Variants in PDE4B observed in about 807,000 individuals in gnomAD.
The protein encoded by PDE4B is phosphodiesterase 4B.
Under a neutral mutation model 82.2 loss-of-function variants are expected in PDE4B, and 20 were observed. That is an observed-to-expected ratio of 0.24 (90% CI 0.17 to 0.35). The LOEUF is 0.35. PDE4B is among the 10% of genes least tolerant of loss of function. PDE4B has a pLI of 1.00. For synonymous variants in PDE4B, 320 were observed against 318.9 expected (o/e 1.00, Z -0.04); for missense variants, 655 against 907.2 (o/e 0.72, Z 3.57).
At chr1:66,249,799 A>T (rs1479963222) in intron 4 of PDE4B, among the ~76,000 whole-genome samples, 2 of 152,208 alleles carry the variant, frequency 1.3e-5, no homozygotes, top group African/African-American at 4.8e-5. Context: ...TTAGATAAAA[A>T]GTAGTATGGG....
chr1:66,285,208 A>G (rs1656585623), intron 7 of PDE4B, among the ~76,000 whole-genome samples: 1 of 152,192 alleles, frequency 6.6e-6, no homozygotes, highest in Non-Finnish European at 1.5e-5. Context: ...AGGTAAACGT[A>G]AATTTACCCA....
intron 3 of PDE4B, among the ~76,000 whole-genome samples, chr1:66,099,105 G>T (rs1645170834): frequency 6.6e-6 from 1 of 152,108 alleles, no homozygotes; most frequent in Admixed American, 6.6e-5. Context: ...ATGGTGGTTT[G>T]CTGCACCTAT....
chr1:66,090,621 A>ATATATATATATATATGTGTGTGTGTGTG, intron 3 of PDE4B, among the ~76,000 whole-genome samples: 2 of 122,728 alleles, frequency 1.6e-5, no homozygotes, highest in African/African-American at 8.2e-5. Flanking sequence ...TATATAATAT[A>ATATATATATATATATGTGTGTGTGTGTG]TGTGTGTGTG....
chr1:65,922,990 A>C (rs145070779), intron 3 of PDE4B, among the ~76,000 whole-genome samples: 134 of 152,194 alleles, frequency 8.8e-4, no homozygotes, highest in Non-Finnish European at 1.7e-3. Flanking sequence ...TGCCCTTTTG[A>C]GTATTCCCCC....
intron 7 of PDE4B, among the ~76,000 whole-genome samples, chr1:66,302,144 GA>G (rs1657939061): frequency 6.6e-6 from 1 of 152,188 alleles, no homozygotes; most frequent in Non-Finnish European, 1.5e-5. Flanking sequence ...GAATCAAGAA[GA>G]GCCTGAAGCA....
intron 1 of PDE4B, among the ~76,000 whole-genome samples, chr1:65,810,237 A>G (rs1645803901): frequency 6.6e-6 from 1 of 152,170 alleles, no homozygotes; most frequent in Non-Finnish European, 1.5e-5. Context: ...TTTGCTATTT[A>G]TTTTGACCTA....
At chr1:65,995,108 T>C (rs1384452587) in intron 3 of PDE4B, among the ~76,000 whole-genome samples, 1 of 152,164 alleles carries the variant, frequency 6.6e-6, no homozygotes, top group Non-Finnish European at 1.5e-5. Flanking sequence ...TGCTCTATAA[T>C]ATAGATTAAA....
intron 3 of PDE4B, among the ~76,000 whole-genome samples, chr1:66,082,556 C>A (rs1034186734): frequency 2.0e-5 from 3 of 151,658 alleles, no homozygotes; most frequent in African/African-American, 7.3e-5. Context: ...GGTAAATTGG[C>A]TCAATGTGTT....
chr1:66,225,152 A>G (rs1006807996), intron 3 of PDE4B, among the ~76,000 whole-genome samples: 1 of 152,152 alleles, frequency 6.6e-6, no homozygotes, highest in Non-Finnish European at 1.5e-5. Context: ...ACATGACATT[A>G]AAGAAGCCTA....
chr1:66,118,431 T>TAA (rs957630629), intron 3 of PDE4B, among the ~76,000 whole-genome samples: 1 of 152,172 alleles, frequency 6.6e-6, no homozygotes, highest in African/African-American at 2.4e-5. Context: ...GGGACATGGA[T>TAA]AAAGCTGGAA....
chr1:66,320,037 A>G (rs774485601), intron 7 of PDE4B, among the ~76,000 whole-genome samples: 8 of 152,154 alleles, frequency 5.3e-5, no homozygotes, highest in Non-Finnish European at 1.0e-4. Context: ...TATTTGTCCT[A>G]CCCAAACAAC....
At chr1:66,221,015 A>G (rs1315963810) in intron 3 of PDE4B, among the ~76,000 whole-genome samples, 1 of 152,190 alleles carries the variant, frequency 6.6e-6, no homozygotes, top group Admixed American at 6.6e-5. Flanking sequence ...TTTATTTCAT[A>G]CCACATAAAT....
At chr1:66,236,870 G>A (rs548364896) in intron 3 of PDE4B, among the ~76,000 whole-genome samples, 28 of 152,150 alleles carry the variant, frequency 1.8e-4, no homozygotes, top group Non-Finnish European at 3.7e-4. Flanking sequence ...TTAAATCCAC[G>A]ATGTACCATT....
At chr1:66,167,477 C>T (rs1327538637) in intron 3 of PDE4B, among the ~76,000 whole-genome samples, 1 of 152,156 alleles carries the variant, frequency 6.6e-6, no homozygotes, top group Non-Finnish European at 1.5e-5. Context: ...GAATGGGCCA[C>T]TCCCTGTTAG....
chr1:65,954,783 G>A (rs1264704561), intron 3 of PDE4B, among the ~76,000 whole-genome samples: 1 of 151,872 alleles, frequency 6.6e-6, no homozygotes, highest in Non-Finnish European at 1.5e-5. Flanking sequence ...TCATTTGTTT[G>A]TGCATGAATT....
At chr1:66,033,603 G>A (rs1392088218) in intron 3 of PDE4B, among the ~76,000 whole-genome samples, 2 of 151,286 alleles carry the variant, frequency 1.3e-5, no homozygotes, top group African/African-American at 4.9e-5. Flanking sequence ...ATTTTACTTA[G>A]AATCTTACTT....
chr1:66,147,921 G>A (rs1002667054), intron 3 of PDE4B, among the ~76,000 whole-genome samples: 2 of 152,078 alleles, frequency 1.3e-5, no homozygotes, highest in African/African-American at 4.8e-5. Context: ...ATAGAAATGA[G>A]GAAAACATGT....
chr1:65,943,205 G>T (rs1193087799), intron 3 of PDE4B, among the ~76,000 whole-genome samples: 1 of 151,630 alleles, frequency 6.6e-6, no homozygotes, highest in Non-Finnish European at 1.5e-5. Context: ...ATGAGATGAG[G>T]GTCTAATTTC....
At chr1:66,210,595 C>CAAAAAA (rs35825766) in intron 3 of PDE4B, among the ~76,000 whole-genome samples, 228 of 42,542 alleles carry the variant, frequency 5.4e-3, no homozygotes, top group East Asian at 7.0e-3. Flanking sequence ...GACTCCATCT[C>CAAAAAA]AAAAAAAAAA....
Sources: allele counts gnomAD v4.1 joint callset (sites outside exome capture counted in the v4.1 genomes callset), GRCh38; gene constraint gnomAD v4.1.1; transcripts MANE v1.5; gene names NCBI Gene and HGNC (gene_info 2026-07-23, HGNC 2026-07-21).